The following CMTM8 variants were observed in gnomAD, a reference collection of about 807,000 sequenced individuals.
CMTM8 encodes the protein CKLF like MARVEL transmembrane domain containing 8.
A neutral mutation model predicts 18.6 loss-of-function variants in CMTM8; 12 were observed. That is an observed-to-expected ratio of 0.65 (90% CI 0.41 to 1.05). The LOEUF (loss-of-function observed/expected upper bound fraction) is 1.05, where lower values mean the gene tolerates loss of function less well. Ranked by LOEUF, CMTM8 falls within the 50% of genes least tolerant of loss-of-function variation. CMTM8 has a pLI of 0.00. For missense variants in CMTM8, 217 were observed against 227.2 expected, an observed-to-expected ratio of 0.95 and a Z score of 0.29; for synonymous variants, 87 against 90.6, an observed-to-expected ratio of 0.96 and a Z score of 0.23.
Position 32,238,760 on chromosome 3 carries a change from G to C in CMTM8, c.-213G>C, listed in dbSNP as rs1701902935. 1 of 306,868 alleles carries C rather than the reference G, an allele frequency of 3.3e-6. No individual in the cohort carries two copies. The highest frequency in any genetic ancestry group is 1.6e-4 in the South Asian group (1 of 6,276). 19.0% of individuals were successfully genotyped at this position (306,868 alleles called of 1,614,324 possible). A position where few individuals can be genotyped will look rare whatever the true frequency, so the allele number is the denominator to read the frequency against. ...CCTCTAGGGCCCCAGCGCAGCTCGG[G>C]AGCCCGCGCACCGAGGCGCTAGGGG... On this transcript the variant is annotated 5_prime_UTR_variant, in exon 1 of 4. Coordinates refer to ENST00000307526, the MANE Select transcript of CMTM8 (RefSeq NM_178868.5).
At chr3:32,244,275 G>A (rs1266434535) in intron 1 of CMTM8, among the ~76,000 whole-genome samples, 2 of 152,150 alleles carry the variant, frequency 1.3e-5, no homozygotes, top group African/African-American at 4.8e-5. Context: ...CTGCAACCTG[G>A]AACTCCTGGG....
At chr3:32,269,023 C>A (rs1198230687) in intron 1 of CMTM8, among the ~76,000 whole-genome samples, 1 of 152,182 alleles carries the variant, frequency 6.6e-6, no homozygotes, top group African/African-American at 2.4e-5. Flanking sequence ...AACAAGAAAT[C>A]TACATCAATC....
At chr3:32,245,924 T>G (rs1268601338) in intron 1 of CMTM8, among the ~76,000 whole-genome samples, 1 of 152,142 alleles carries the variant, frequency 6.6e-6, no homozygotes, top group Non-Finnish European at 1.5e-5. Flanking sequence ...CAAGCAATGC[T>G]CATGCCTCAG....
chr3:32,312,512 G>A (rs905523173), intron 1 of CMTM8, among the ~76,000 whole-genome samples: 6 of 152,162 alleles, frequency 3.9e-5, no homozygotes, highest in African/African-American at 1.4e-4. Context: ...GTGGGCAGGG[G>A]TGTGGAGCAG....
chr3:32,360,159 T>A (rs1336164689), intron 2 of CMTM8, among the ~76,000 whole-genome samples: 1 of 152,244 alleles, frequency 6.6e-6, no homozygotes, highest in Admixed American at 6.5e-5. Flanking sequence ...CTCAGCATGG[T>A]ATTGAACCTT....
chr3:32,358,388 CA>C lies in CMTM8; in HGVS notation c.321+850del, dbSNP rs1478102554. Among the ~76,000 whole-genome samples the C allele has an allele frequency of 1.3e-5, 2 of 152,090 alleles. No homozygotes were observed. Among genetic ancestry groups the C allele is most frequent in the South Asian group, 2.1e-4 (1 of 4,810 alleles). The stretch of plus-strand genomic sequence containing the variant: ...AAATTCAAAGTAGCTAAATGATTTA[CA>C]AAAAAAATCCCAGTGGTACCACATG... On this transcript the variant is annotated intron_variant, in intron 2 of 3. Coordinates refer to ENST00000307526, the MANE Select transcript of CMTM8 (RefSeq NM_178868.5). This position sits in a 1 kb window ranked among gnomAD's most constrained non-coding sequence, Gnocchi z 4.1.
chr3:32,239,038 C>G lies in CMTM8; in HGVS notation c.66C>G (p.Asn22Lys). Residue 22 changes from asparagine to lysine, a missense_variant, in exon 1 of 4, where the codon AAC becomes AAG. By Grantham distance (94) the Asn-to-Lys change is moderately conservative. Transcript: ENST00000307526. ...VTTTASSFAE[N>K]FSTSSSSFAY... ...CCACCGCCAGCTCCTTCGCAGAGAA[C>G]TTCTCCACCAGCAGCAGCAGCTTCG... The G allele has an allele frequency of 6.3e-7, 1 of 1,585,560 alleles. No individual in the cohort carries two copies. The highest frequency in any genetic ancestry group is 1.2e-5 in the South Asian group (1 of 86,520).
At chr3:32,326,515 C>CTTT (rs58555396) in intron 1 of CMTM8, among the ~76,000 whole-genome samples, 54 of 113,296 alleles carry the variant, frequency 4.8e-4, no homozygotes, top group Non-Finnish European at 6.3e-4. Context: ...TTCTTTCTTT[C>CTTT]TTTTTTTTTT....
chr3:32,299,741 C>A (rs1194244773), intron 1 of CMTM8, among the ~76,000 whole-genome samples: 2 of 152,102 alleles, frequency 1.3e-5, no homozygotes, highest in African/African-American at 4.8e-5. Flanking sequence ...TGACTGAGTG[C>A]CCTTTTAATA....
chr3:32,239,006 G>C lies in CMTM8; in HGVS notation c.34G>C (p.Val12Leu). ...GCCGCAGCGCGCCCGCTCGCACACAGTCACCACCACCGCCAGCTCCTTCGC... is the reference window on the plus strand; with the variant it reads ...GCCGCAGCGCGCCCGCTCGCACACACTCACCACCACCGCCAGCTCCTTCGC... ...EEPQRARSHT[V>L]TTTASSFAEN... Residue 12 changes from valine to leucine, a missense_variant, in exon 1 of 4, where the codon GTC becomes CTC. Coordinates refer to ENST00000307526, the MANE Select transcript of CMTM8 (RefSeq NM_178868.5). 1 of 1,559,098 alleles carries C rather than the reference G, an allele frequency of 6.4e-7. No individual in the cohort carries two copies. Among genetic ancestry groups the C allele is most frequent in the Non-Finnish European group, 8.7e-7 (1 of 1,152,258 alleles).
At chr3:32,362,735 C>T (rs960584556) in intron 2 of CMTM8, among the ~76,000 whole-genome samples, 4 of 152,086 alleles carry the variant, frequency 2.6e-5, no homozygotes, top group Admixed American at 2.6e-4. Flanking sequence ...CCAAAAGACC[C>T]TTCTTCTAAT....
At chr3:32,240,378 T>A (rs780776174) in intron 1 of CMTM8, among the ~76,000 whole-genome samples, 17 of 152,202 alleles carry the variant, frequency 1.1e-4, no homozygotes, top group Non-Finnish European at 1.9e-4. Flanking sequence ...GGTATTGGAA[T>A]CGCCTTGCAG....
At chr3:32,318,845 G>A (rs1575174437) in intron 1 of CMTM8, among the ~76,000 whole-genome samples, 1 of 151,432 alleles carries the variant, frequency 6.6e-6, no homozygotes, top group South Asian at 2.1e-4. Flanking sequence ...GGGATTACAG[G>A]CATGAGCCAC....
At chr3:32,298,570 A>G (rs1160982867) in intron 1 of CMTM8, among the ~76,000 whole-genome samples, 1 of 151,298 alleles carries the variant, frequency 6.6e-6, no homozygotes, top group Non-Finnish European at 1.5e-5. Flanking sequence ...TGCTAATTAA[A>G]TTGAAACAAT....
At chr3:32,292,603 T>C (rs1702799174) in intron 1 of CMTM8, among the ~76,000 whole-genome samples, 1 of 152,166 alleles carries the variant, frequency 6.6e-6, no homozygotes, top group Non-Finnish European at 1.5e-5. Context: ...TTCTCTTTCT[T>C]TGGATAAACA....
chr3:32,260,027 AAGGCCCT>A lies in CMTM8; in HGVS notation c.147+20909_147+20915del. On this transcript the variant is annotated intron_variant, in intron 1 of 3. Transcript: ENST00000307526. Reference sequence around the variant, plus strand: ...GGGACAGCACCAGGCCCAGGAGTACAAGGCCCTGCTGAACATCAAGGTCAAGCTGGAG... The same window carrying A: ...GGGACAGCACCAGGCCCAGGAGTACAGCTGAACATCAAGGTCAAGCTGGAG... The A allele has an allele frequency of 3.5e-6, 4 of 1,133,996 alleles. No homozygotes were observed. In the South Asian group the frequency reaches 5.1e-5, roughly 14 times the overall value. The allele number at this position is 1,133,996 out of a possible 1,614,324, so 70.2% of individuals were successfully genotyped here.
intron 1 of CMTM8, among the ~76,000 whole-genome samples, chr3:32,272,127 T>C (rs1024959468): frequency 6.6e-6 from 1 of 152,198 alleles, no homozygotes; most frequent in Non-Finnish European, 1.5e-5. Flanking sequence ...TTTGTCTCAG[T>C]GCATTTGAAA....
chr3:32,357,430 G>A lies in CMTM8; in HGVS notation c.205G>A (p.Ala69Thr), dbSNP rs142284590. ...IAGTEYFRVP[A>T]FGWVMFVAVF... ...TGGAACTGAGTACTTCCGGGTCCCC[G>A]CATTTGGCTGGGTCATGTTTGTAGC... Residue 69 changes from alanine to threonine, a missense_variant, in exon 2 of 4, where the codon GCA becomes ACA. Transcript: ENST00000307526. 28 of 1,613,944 alleles carry A rather than the reference G, an allele frequency of 1.7e-5. No individual in the cohort carries two copies. The highest frequency in any genetic ancestry group is 1.7e-4 in the Middle Eastern group (1 of 6,054).
chr3:32,314,480 A>T lies in CMTM8; in HGVS notation c.148-42893A>T, dbSNP rs554022764. ...GTGGGTAGGCAGAGTAAGCCAGAAA[A>T]TTTTTTTTTTTTTTTTAAAGACAGA... On this transcript the variant is annotated intron_variant, in intron 1 of 3. Coordinates refer to ENST00000307526, the MANE Select transcript of CMTM8 (RefSeq NM_178868.5). Among the ~76,000 whole-genome samples the T allele has an allele frequency of 1.8e-3, 270 of 146,836 alleles. 2 individuals carry two copies. Among genetic ancestry groups the T allele is most frequent in the Middle Eastern group, 0.014 (4 of 280 alleles).
Sources: gnomAD v4.1 joint callset for allele counts (sites outside exome capture counted in the v4.1 genomes callset) on GRCh38, gnomAD v4.1.1 for gene constraint, Gnocchi (gnomAD v3.1) non-coding constraint, MANE v1.5 for transcripts, NCBI Gene and HGNC (gene_info 2026-07-23, HGNC 2026-07-21) for gene names.